DOCK6: variants seen among roughly 807,000 people sequenced by gnomAD.
The protein encoded by DOCK6 is dedicator of cytokinesis 6, also known as dedicator of cytokinesis protein 6.
A neutral mutation model predicts 230.3 loss-of-function variants in DOCK6; 167 were observed. The observed-to-expected ratio is 0.73, with a 90% CI of 0.64 to 0.82. DOCK6 has a LOEUF of 0.82. DOCK6 is among the 40% of genes least tolerant of loss of function. The probability of loss-of-function intolerance (pLI) is 0.00; values close to 1 mark genes in which losing one functional copy is unlikely to be tolerated. For synonymous variants in DOCK6, 1,148 were observed against 1,185.0 expected (o/e 0.97, Z 0.64); for missense variants, 2,598 against 2,825.8 (o/e 0.92, Z 1.83).
Position 11,208,515 on chromosome 19 carries a change from A to C in DOCK6, c.5088+171T>G, listed in dbSNP as rs1320263411. ...AGGCTGGTCTCGAACTCCTGGCCTC[A>C]TGACCTGCCTGCCTCCGCCTCCCAA... On this transcript the variant is annotated intron_variant, in intron 39 of 47. Transcript: ENST00000294618. The C allele has an allele frequency of 4.5e-6, 4 of 897,188 alleles. No individual in the cohort carries two copies. In the Admixed American group the frequency reaches 1.2e-4, roughly 27 times the overall value. The allele number at this position is 897,188 out of a possible 1,614,324, so 55.6% of individuals were successfully genotyped here. A position where few individuals can be genotyped will look rare whatever the true frequency, so the allele number is the denominator to read the frequency against.
intron 34 of DOCK6, 133 bp from the exon 35 acceptor site, chr19:11,213,461 G>T: frequency 7.6e-7 from 1 of 1,311,352 alleles, no homozygotes; most frequent in Non-Finnish European, 1.0e-6. Context: ...ACTGGGTTCG[G>T]AGTCAGACCT....
In DOCK6 at chr19:11,243,658, C is replaced by T. The variant is rs768313821; in HGVS notation, c.1157G>A (p.Arg386His). 6.2e-6 allele frequency: 10 copies of T among 1,612,932 alleles called. No individual in the cohort carries two copies. In the Admixed American group the frequency reaches 1.0e-4, roughly 16 times the overall value. Residue 386 changes from arginine to histidine, a missense_variant, in exon 11 of 48, where the codon CGC (arginine) becomes CAC (histidine). Coordinates refer to ENST00000294618, the MANE Select transcript of DOCK6 (RefSeq NM_020812.4). This position sits in a 1 kb window ranked among gnomAD's most constrained non-coding sequence, Gnocchi z 6.3. The part of the protein sequence containing the change: ...LRLAAEQFCT[R>H]LGRYRMPFAW... ...GAAGGGCATGCGGTAGCGGCCCAGGCGGGTGCAGAACTGCTCGGCCGCCAG... is the reference window on the plus strand; with the variant it reads ...GAAGGGCATGCGGTAGCGGCCCAGGTGGGTGCAGAACTGCTCGGCCGCCAG...
chr19:11,241,976 G>A (rs1161597929), intron 14 of DOCK6, 69 bp downstream of exon 14: 4 of 1,505,566 alleles, frequency 2.7e-6, no homozygotes, highest in Non-Finnish European at 3.5e-6. Context: ...TTGGCTTAGG[G>A]AGACCCCACC....
At chr19:11,259,011 A>T (rs949855310) in intron 1 of DOCK6, among the ~76,000 whole-genome samples, 6 of 151,792 alleles carry the variant, frequency 4.0e-5, no homozygotes, top group African/African-American at 1.5e-4. Flanking sequence ...AGCCTCCCAA[A>T]GTGCTCGGAT....
intron 9 of DOCK6, among the ~76,000 whole-genome samples, chr19:11,244,451 CTTTTTTTTTTTTTT>C (rs56722117): frequency 9.9e-5 from 4 of 40,244 alleles, no homozygotes; most frequent in African/African-American, 1.3e-4. Flanking sequence ...CCACACCTGG[CTTTTTTTTTTTTTT>C]TTTTTTTTTT....
chr19:11,221,746 G>T, intron 28 of DOCK6, 105 bp downstream of exon 28: 1 of 1,549,124 alleles, frequency 6.5e-7, no homozygotes, highest in Non-Finnish European at 8.9e-7. Flanking sequence ...TAATCCTAAT[G>T]TCTATACTCA....
intron 14 of DOCK6, chr19:11,240,198 C>A: frequency 6.4e-7 from 1 of 1,557,872 alleles, no homozygotes; most frequent in Non-Finnish European, 8.7e-7. Context: ...GGAGGTGGCC[C>A]AGGCACAGAA....
In DOCK6 at chr19:11,250,978, G is replaced by C; in HGVS notation, c.616C>G (p.Leu206Val). ...TCTTCTGGGGCCGCCCGCTCTAGCAGAGAGGGCAGCAATGAGTCAGCTGCC... is the reference window on the plus strand; with the variant it reads ...TCTTCTGGGGCCGCCCGCTCTAGCACAGAGGGCAGCAATGAGTCAGCTGCC... The part of the protein sequence containing the change: ...NLAADSLLPS[L>V]LERAAPEDVD... Residue 206 changes from leucine to valine, a missense_variant, in exon 6 of 48, where the codon CTG (leucine) becomes GTG (valine). Transcript: ENST00000294618. 1.9e-6 allele frequency: 3 copies of C among 1,613,886 alleles called. No homozygotes were observed. The highest frequency in any genetic ancestry group is 2.5e-6 in the Non-Finnish European group (3 of 1,179,870).
intron 37 of DOCK6, among the ~76,000 whole-genome samples, chr19:11,211,534 C>T (rs2079383809): frequency 7.0e-6 from 1 of 142,592 alleles, no homozygotes; most frequent in African/African-American, 2.6e-5. Flanking sequence ...TGTCTGCTCC[C>T]CTATCCCCCT....
chr19:11,211,707 C>T (rs2147743005), intron 37 of DOCK6, 69 bp downstream of exon 37: 1 of 1,266,770 alleles, frequency 7.9e-7, no homozygotes, highest in Non-Finnish European at 1.1e-6. Context: ...GACATCTACT[C>T]TCATCCCTGT....
At chr19:11,247,001 A>AG (rs769328358) in intron 7 of DOCK6, among the ~76,000 whole-genome samples, 10 of 152,222 alleles carry the variant, frequency 6.6e-5, no homozygotes, top group Non-Finnish European at 1.3e-4. Flanking sequence ...AAGCTGGGCC[A>AG]GGGGACTCCT....
rs2079142569 is a variant in DOCK6, at chr19:11,200,119, C to A, written c.6101+189G>T. Among the ~76,000 whole-genome samples the A allele has an allele frequency of 6.6e-6, 1 of 150,520 alleles. No individual in the cohort carries two copies. The stretch of plus-strand genomic sequence containing the variant: ...GAGCCAAGACTGTGCCAACTGCACT[C>A]CAGCCTGGGCAACAGAGGGAGAGTC... On this transcript the variant is annotated intron_variant, in intron 47 of 47. Coordinates refer to ENST00000294618, the MANE Select transcript of DOCK6 (RefSeq NM_020812.4). This position sits in a 1 kb window ranked among gnomAD's most constrained non-coding sequence, Gnocchi z 4.3.
At position 11,216,853 on chromosome 19, in the gene DOCK6, T is replaced by TG. The variant is rs973181462; in HGVS notation, c.3894+60dup. 1.0e-5 allele frequency: 16 copies of TG among 1,566,366 alleles called. No homozygotes were observed. In the Admixed American group the frequency reaches 2.7e-4, roughly 26 times the overall value. ...CCTTCCCACTCAGCCCGCAGCACGC[T>TG]GGGTCCCTGGGTACATCCTTAGCCT... On this transcript the variant is annotated intron_variant, in intron 30 of 47. Coordinates refer to ENST00000294618, the MANE Select transcript of DOCK6 (RefSeq NM_020812.4).
At chr19:11,233,525 T>TG (rs566877481) in intron 21 of DOCK6, among the ~76,000 whole-genome samples, 159 bp from the exon 22 acceptor site, 7 of 152,008 alleles carry the variant, frequency 4.6e-5, no homozygotes, top group African/African-American at 9.7e-5. Context: ...TCACAGAGAT[T>TG]GGGGGGGCAC....
At chr19:11,207,256 C>T (rs1012447592) in intron 39 of DOCK6, among the ~76,000 whole-genome samples, 26 of 152,054 alleles carry the variant, frequency 1.7e-4, no homozygotes, top group African/African-American at 6.3e-4. Flanking sequence ...TACAGTGGCA[C>T]GATTACAACT....
chr19:11,213,095 C>G, intron 35 of DOCK6, 81 bp downstream of exon 35: 2 of 1,524,352 alleles, frequency 1.3e-6, no homozygotes, highest in Non-Finnish European at 1.8e-6. Flanking sequence ...CTCCCCCTCC[C>G]TCACTCCCTG....
Position 11,202,494 on chromosome 19 carries a change from AG to A in DOCK6, c.5362-12del. 3.1e-6 allele frequency: 5 copies of A among 1,612,314 alleles called. No homozygotes were observed. Among genetic ancestry groups the A allele is most frequent in the Non-Finnish European group, 4.2e-6 (5 of 1,179,076 alleles). On this transcript the variant is annotated splice_polypyrimidine_tract_variant and intron_variant, in intron 42 of 47. Coordinates refer to ENST00000294618, the MANE Select transcript of DOCK6 (RefSeq NM_020812.4). This position sits in a 1 kb window ranked among gnomAD's most constrained non-coding sequence, Gnocchi z 5.3. ...CTCCGTGTAGAACTCCTGGAGACAC[AG>A]GGCTGACTCGGGGCCACCCAGGGAC...
intron 18 of DOCK6, 137 bp from the exon 19 acceptor site, chr19:11,237,016 C>T (rs976622153): frequency 1.2e-6 from 1 of 847,750 alleles, no homozygotes; most frequent in African/African-American, 1.7e-5. Flanking sequence ...CTGCCCCCAG[C>T]CCTGGTCCCA....
At position 11,253,692 on chromosome 19, in the gene DOCK6, G is replaced by T; in HGVS notation, c.79C>A (p.Arg27=). The T allele has an allele frequency of 6.8e-7, 1 of 1,471,406 alleles. No individual in the cohort carries two copies. Among genetic ancestry groups the T allele is most frequent in the East Asian group, 2.9e-5 (1 of 34,638 alleles). The allele number at this position is 1,471,406 out of a possible 1,614,324, so 91.1% of individuals were successfully genotyped here. Residue 27 remains arginine (R), a synonymous_variant, in exon 2 of 48, where the codon CGG becomes AGG. Transcript: ENST00000294618. ...VAAEVRKQVS[R]ERSGSPHSSR... ...GAGTGGGGGGAGCCACTGCGTTCCC[G>T]GGACACCTGCTTCCGCACCTCTGCG...
Sources: gnomAD v4.1 joint callset for allele counts (sites outside exome capture counted in the v4.1 genomes callset) on GRCh38, gnomAD v4.1.1 for gene constraint, Gnocchi (gnomAD v3.1) non-coding constraint, MANE v1.5 for transcripts, NCBI Gene and HGNC (gene_info 2026-07-23, HGNC 2026-07-21) for gene names.